Variants in LRMDA observed in about 807,000 individuals in gnomAD.
LRMDA encodes the protein leucine rich melanocyte differentiation associated, also known as leucine-rich melanocyte differentiation-associated protein.
Under a neutral mutation model 29.8 loss-of-function variants are expected in LRMDA, and 18 were observed. That is an observed-to-expected ratio of 0.60 (90% CI 0.42 to 0.90). LRMDA has a LOEUF of 0.90. Among genes scored for constraint, LRMDA ranks in the 40% least tolerant of loss-of-function variants. The pLI, the probability that LRMDA is intolerant of heterozygous loss-of-function variation, is 0.00. For missense variants in LRMDA, 273 were observed against 273.9 expected (o/e 1.00, Z 0.02); for synonymous variants, 125 against 109.4 (o/e 1.14, Z -0.89).
intron 6 of LRMDA, among the ~76,000 whole-genome samples, chr10:76,395,750 G>C (rs957590729): frequency 1.3e-5 from 2 of 152,198 alleles, no homozygotes; most frequent in East Asian, 3.8e-4. Flanking sequence ...ATCTAGGGTA[G>C]TACCTGGTAG....
At chr10:75,598,005 A>T (rs1373693816) in intron 2 of LRMDA, among the ~76,000 whole-genome samples, 4 of 152,146 alleles carry the variant, frequency 2.6e-5, no homozygotes, top group Non-Finnish European at 5.9e-5. Context: ...CAGACCTGAA[A>T]TGGAGCTCAG....
At chr10:75,458,164 T>C (rs1224684456) in intron 2 of LRMDA, among the ~76,000 whole-genome samples, 1 of 152,252 alleles carries the variant, frequency 6.6e-6, no homozygotes, top group Non-Finnish European at 1.5e-5. Flanking sequence ...AAATACTAAA[T>C]GTAAAAGAGT....
intron 2 of LRMDA, among the ~76,000 whole-genome samples, chr10:75,570,716 G>A (rs76109575): frequency 0.013 from 2,029 of 152,222 alleles, 37 homozygotes; most frequent in African/African-American, 0.043. Context: ...TTTTCCCAGG[G>A]CAGCATGGTA....
At chr10:76,412,855 A>T (rs906906282) in intron 6 of LRMDA, among the ~76,000 whole-genome samples, 4 of 152,096 alleles carry the variant, frequency 2.6e-5, no homozygotes, top group African/African-American at 9.7e-5. Context: ...TAAATGCTAA[A>T]AGAATAATTT....
intron 5 of LRMDA, among the ~76,000 whole-genome samples, chr10:76,072,367 A>T (rs1848888879): frequency 6.6e-6 from 1 of 152,194 alleles, no homozygotes; most frequent in African/African-American, 2.4e-5. Flanking sequence ...AGAGATAATA[A>T]TGCCTGGCAG....
rs192284487 is a variant in LRMDA, at chr10:76,249,666, C to A, written c.517-74735C>A. On this transcript the variant is annotated intron_variant, in intron 5 of 6. Coordinates refer to ENST00000611255, the MANE Select transcript of LRMDA (RefSeq NM_001305581.2). ...AATATTGCTTCTTTTTAAATATTTG[C>A]CTGGGTTTGATCACTTAATATTTTT... is the stretch of plus-strand genomic sequence containing the variant. Among the ~76,000 whole-genome samples the A allele has an allele frequency of 2.4e-4, 36 of 152,212 alleles. 1 individual carries two copies. In the East Asian group the frequency reaches 6.6e-3, roughly 28 times the overall value.
intron 2 of LRMDA, among the ~76,000 whole-genome samples, chr10:75,500,340 ATAT>A (rs1378070882): frequency 6.6e-6 from 1 of 152,202 alleles, no homozygotes; most frequent in African/African-American, 2.4e-5. Context: ...TCAGATAATA[ATAT>A]TCTCAGAATT....
intron 2 of LRMDA, among the ~76,000 whole-genome samples, chr10:75,711,921 C>A (rs1300336944): frequency 2.0e-5 from 3 of 149,074 alleles, no homozygotes; most frequent in Admixed American, 6.7e-5. Flanking sequence ...GAAGGTAAAA[C>A]ACACACACAC....
intron 6 of LRMDA, among the ~76,000 whole-genome samples, chr10:76,503,668 G>A (rs1022140076): frequency 2.0e-5 from 3 of 151,550 alleles, no homozygotes; most frequent in Non-Finnish European, 4.4e-5. Context: ...GGTATCAATT[G>A]TAATGTCATC....
intron 2 of LRMDA, among the ~76,000 whole-genome samples, chr10:75,913,456 G>T (rs2132379531): frequency 6.6e-6 from 1 of 152,056 alleles, no homozygotes; most frequent in South Asian, 2.1e-4. Flanking sequence ...ACTCCGTCTT[G>T]GGGGGAAAAA....
chr10:75,963,984 T>A (rs2074114412), intron 2 of LRMDA, among the ~76,000 whole-genome samples: 1 of 152,252 alleles, frequency 6.6e-6, no homozygotes, highest in African/African-American at 2.4e-5. Flanking sequence ...GCAGACCTGG[T>A]AATGATCACT....
intron 2 of LRMDA, among the ~76,000 whole-genome samples, chr10:75,991,055 G>A: frequency 6.6e-6 from 1 of 152,266 alleles, no homozygotes; most frequent in East Asian, 1.9e-4. Context: ...GGTAAACAGT[G>A]TAGACTTAGA....
chr10:76,359,221 G>C (rs1185190351), intron 6 of LRMDA, among the ~76,000 whole-genome samples: 1 of 152,200 alleles, frequency 6.6e-6, no homozygotes, highest in African/African-American at 2.4e-5. Flanking sequence ...ACAAGTACTT[G>C]AGTGGTTATT....
intron 5 of LRMDA, among the ~76,000 whole-genome samples, chr10:76,131,242 C>T (rs1023089352): frequency 3.3e-5 from 5 of 152,086 alleles, no homozygotes; most frequent in Non-Finnish European, 7.3e-5. Context: ...TTCCCACCCA[C>T]CCACTTTCCT....
At chr10:75,693,410 A>G (rs1842195326) in intron 2 of LRMDA, among the ~76,000 whole-genome samples, 1 of 152,222 alleles carries the variant, frequency 6.6e-6, no homozygotes, top group Non-Finnish European at 1.5e-5. Flanking sequence ...GCTAGTTTAC[A>G]TTAGCTTAAC....
At chr10:75,984,729 A>G (rs116201298) in intron 2 of LRMDA, among the ~76,000 whole-genome samples, 171 of 152,334 alleles carry the variant, frequency 1.1e-3, no homozygotes, top group African/African-American at 3.9e-3. Context: ...ATGATTCTCA[A>G]TTCCTGGGGA....
At chr10:76,098,194 C>T (rs1290988985) in intron 5 of LRMDA, among the ~76,000 whole-genome samples, 1 of 152,116 alleles carries the variant, frequency 6.6e-6, no homozygotes, top group African/African-American at 2.4e-5. Context: ...AGTGTTCCCT[C>T]CTATTTTCTA....
intron 5 of LRMDA, among the ~76,000 whole-genome samples, chr10:76,167,501 T>G (rs1399079714): frequency 5.3e-5 from 8 of 152,224 alleles, no homozygotes; most frequent in Non-Finnish European, 4.4e-5. Flanking sequence ...CACCATTTAT[T>G]AAATAGAGAA....
intron 6 of LRMDA, among the ~76,000 whole-genome samples, chr10:76,408,705 C>T (rs1379526086): frequency 6.6e-6 from 1 of 152,082 alleles, no homozygotes; most frequent in Non-Finnish European, 1.5e-5. Flanking sequence ...TGTTTTTCTG[C>T]TGGTTTCTTC....
Sources: gnomAD v4.1 joint callset for allele counts (sites outside exome capture counted in the v4.1 genomes callset) on GRCh38, gnomAD v4.1.1 for gene constraint, MANE v1.5 for transcripts, NCBI Gene and HGNC (gene_info 2026-07-23, HGNC 2026-07-21) for gene names.